The following SUMF1 variants were observed in gnomAD, a reference collection of about 807,000 sequenced individuals.
SUMF1 encodes the protein formylglycine-generating enzyme.
Under a neutral mutation model 47.6 loss-of-function variants are expected in SUMF1, and 48 were observed. That is an observed-to-expected ratio of 1.01 (90% confidence interval 0.80 to 1.28). The LOEUF is 1.28. Ranked by LOEUF, SUMF1 falls within the 50% of genes most tolerant of loss-of-function variation. SUMF1 has a pLI of 0.00. For missense variants in SUMF1, 571 were observed against 485.4 expected (o/e 1.18, Z -1.66); for synonymous variants, 230 against 192.1 (o/e 1.20, Z -1.63).
At chr3:4,316,378 G>A in intron 8 of SUMF1, 1 of 1,553,872 alleles carries the variant, frequency 6.4e-7, no homozygotes. Flanking sequence ...TTTTGCAAAG[G>A]AGATGAGAGC....
At chr3:4,447,540 C>G (rs947542848) in intron 3 of SUMF1, among the ~76,000 whole-genome samples, 2 of 151,916 alleles carry the variant, frequency 1.3e-5, no homozygotes, top group African/African-American at 4.8e-5. Flanking sequence ...ACCTCGTAGG[C>G]CAACTCACAT....
At chr3:4,378,241 G>A (rs1559258390) in intron 7 of SUMF1, among the ~76,000 whole-genome samples, 2 of 152,100 alleles carry the variant, frequency 1.3e-5, no homozygotes, top group African/African-American at 4.8e-5. Flanking sequence ...AGAACACAAA[G>A]CCTATTTTAT....
intron 7 of SUMF1, 109 bp from the exon 8 acceptor site, chr3:4,376,498 T>C: frequency 8.9e-7 from 1 of 1,125,106 alleles, no homozygotes; most frequent in Non-Finnish European, 1.4e-6. Flanking sequence ...TTGCCTAAAC[T>C]CTCCACATGC....
chr3:4,223,141 A>G (rs1307329407), intron 8 of SUMF1, among the ~76,000 whole-genome samples: 1 of 152,136 alleles, frequency 6.6e-6, no homozygotes, highest in Non-Finnish European at 1.5e-5. Flanking sequence ...GACAAATAGA[A>G]TAGCTTTTAC....
chr3:4,216,963 T>C (rs1482560999), intron 8 of SUMF1, among the ~76,000 whole-genome samples: 1 of 152,144 alleles, frequency 6.6e-6, no homozygotes, highest in Admixed American at 6.5e-5. Flanking sequence ...TGGCAATCCC[T>C]CAAGGATCTA....
intron 8 of SUMF1, among the ~76,000 whole-genome samples, chr3:4,116,425 C>A (rs1162317809): frequency 1.3e-5 from 2 of 151,870 alleles, no homozygotes; most frequent in Non-Finnish European, 2.9e-5. Flanking sequence ...CCATAGAAAC[C>A]CTAAATTTTC....
intron 9 of SUMF1, among the ~76,000 whole-genome samples, chr3:4,068,294 C>A (rs1695427097): frequency 6.6e-6 from 1 of 151,976 alleles, no homozygotes; most frequent in Admixed American, 6.6e-5. Context: ...CACCCCCAAT[C>A]CTGAGCCACC....
chr3:4,421,050 G>A (rs1162495389), intron 3 of SUMF1, among the ~76,000 whole-genome samples: 2 of 152,194 alleles, frequency 1.3e-5, no homozygotes, highest in Non-Finnish European at 2.9e-5. Context: ...ATTGGAAAAT[G>A]CTCAGCAAAC....
intron 8 of SUMF1, chr3:4,313,229 G>A (rs1352450232): frequency 6.2e-7 from 1 of 1,613,898 alleles, no homozygotes; most frequent in Non-Finnish European, 8.5e-7. Flanking sequence ...CCGAAAGGAA[G>A]GTTTGTCTGT....
At chr3:4,326,248 C>G (rs1698942721) in intron 8 of SUMF1, among the ~76,000 whole-genome samples, 2 of 152,200 alleles carry the variant, frequency 1.3e-5, no homozygotes, top group African/African-American at 4.8e-5. Flanking sequence ...GCATAAAGTA[C>G]AGCAAGAATA....
intron 7 of SUMF1, among the ~76,000 whole-genome samples, chr3:4,388,918 T>C (rs1700760944): frequency 6.6e-6 from 1 of 152,164 alleles, no homozygotes; most frequent in Admixed American, 6.5e-5. Flanking sequence ...ATAATCATAT[T>C]AAATATTTCC....
At chr3:4,278,607 A>T (rs1340145492) in intron 8 of SUMF1, among the ~76,000 whole-genome samples, 1 of 152,116 alleles carries the variant, frequency 6.6e-6, no homozygotes, top group Admixed American at 6.6e-5. Context: ...GAGTGTTATT[A>T]AAACAGACAA....
chr3:4,158,259 G>T (rs183846198), intron 8 of SUMF1, among the ~76,000 whole-genome samples: 48 of 151,738 alleles, frequency 3.2e-4, no homozygotes, highest in Admixed American at 1.1e-3. Context: ...AGTTTCCAAA[G>T]TTCCTCTTGT....
intron 8 of SUMF1, among the ~76,000 whole-genome samples, chr3:4,376,018 C>T (rs1700315251): frequency 6.6e-6 from 1 of 152,198 alleles, no homozygotes; most frequent in Non-Finnish European, 1.5e-5. Context: ...TGCTTTCAGA[C>T]TTACATGCTG....
rs565994120 is a variant in SUMF1, at chr3:4,284,412, C to CA, written c.1014+91917dup. Among the ~76,000 whole-genome samples the CA allele has an allele frequency of 1.2e-3, 136 of 114,082 alleles. 1 individual carries two copies. The highest frequency in any genetic ancestry group is 2.6e-3 in the African/African-American group (79 of 30,138). 74.8% of individuals were successfully genotyped at this position (114,082 alleles called of 152,430 possible). A position where few individuals can be genotyped will look rare whatever the true frequency, so the allele number is the denominator to read the frequency against. On this transcript the variant is annotated intron_variant and NMD_transcript_variant, in intron 8 of 12. Transcript: ENST00000448413. ...TGGATGACAAAATGAGACTCTGTCC[C>CA]AAAAAAAAAATAAGTAAATAAAAAA...
chr3:4,328,954 C>G (rs1698997885), intron 8 of SUMF1, among the ~76,000 whole-genome samples: 1 of 152,158 alleles, frequency 6.6e-6, no homozygotes, highest in Non-Finnish European at 1.5e-5. Context: ...GAAGGGGCTA[C>G]AGGCTCCATG....
rs372987061 is a variant in SUMF1, at chr3:4,280,034, A to G, written c.1014+96296T>C. On this transcript the variant is annotated intron_variant and NMD_transcript_variant, in intron 8 of 12. Coordinates refer to the SUMF1 transcript ENST00000448413. Reference sequence around the variant, plus strand: ...ATAAGAGATGACACTAGCCATCTGTAAGAAGACAACAATTCCAGTTTTGAA... The same window carrying G: ...ATAAGAGATGACACTAGCCATCTGTGAGAAGACAACAATTCCAGTTTTGAA... 7.2e-5 allele frequency among the ~76,000 whole-genome samples: 11 copies of G among 152,320 alleles called. 2 individuals carry two copies. The highest frequency in any genetic ancestry group is 6.5e-5 in the Admixed American group (1 of 15,294).
In SUMF1 at chr3:4,296,796, A is replaced by T. The variant is rs369268634; in HGVS notation, c.1014+79534T>A. On this transcript the variant is annotated intron_variant and NMD_transcript_variant, in intron 8 of 12. Coordinates refer to the SUMF1 transcript ENST00000448413. ...TCTAATGATAATAATGGTAATAATA[A>T]TGTCATTATAAATGTTCACAGTACC... is the stretch of plus-strand genomic sequence containing the variant. 2.2e-4 allele frequency among the ~76,000 whole-genome samples: 33 copies of T among 152,124 alleles called. 1 individual carries two copies. Among genetic ancestry groups the T allele is most frequent in the African/African-American group, 7.2e-4 (30 of 41,514 alleles).
chr3:4,424,383 T>A (rs1490228166), intron 3 of SUMF1, among the ~76,000 whole-genome samples: 1 of 152,154 alleles, frequency 6.6e-6, no homozygotes, highest in Admixed American at 6.5e-5. Context: ...GTCATGGAGC[T>A]ATATGATGAT....
Sources: allele counts gnomAD v4.1 joint callset (sites outside exome capture counted in the v4.1 genomes callset), GRCh38; gene constraint gnomAD v4.1.1; transcripts MANE v1.5; gene names NCBI Gene and HGNC (gene_info 2026-07-23, HGNC 2026-07-21).